Variants in NLGN4X observed in about 807,000 individuals in gnomAD.
NLGN4X encodes the protein neuroligin 4 X-linked, also known as neuroligin-4, X-linked.
A neutral mutation model predicts 40.3 loss-of-function variants in NLGN4X; 3 were observed. The ratio of observed to expected loss-of-function variants is 0.07; its 90% CI spans 0.03 to 0.19. The LOEUF (loss-of-function observed/expected upper bound fraction) is 0.19, where lower values mean the gene tolerates loss of function less well. Among genes scored for constraint, NLGN4X ranks in the 10% least tolerant of loss-of-function variants. NLGN4X has a pLI of 1.00. For missense variants in NLGN4X, 382 were observed against 708.3 expected, an observed-to-expected ratio of 0.54 and a Z score of 5.23; for synonymous variants, 270 against 306.8, an observed-to-expected ratio of 0.88 and a Z score of 1.25.
intron 2 of NLGN4X, among the ~76,000 whole-genome samples, chrX:6,134,541 C>A (rs780458644): frequency 8.9e-6 from 1 of 112,010 alleles, no homozygotes; most frequent in Non-Finnish European, 1.9e-5. Context: ...GTATGTTCTG[C>A]AAGGAAAGTG....
chrX:6,100,519 C>A (rs2038883245), intron 2 of NLGN4X, among the ~76,000 whole-genome samples: 2 of 112,378 alleles, frequency 1.8e-5, no homozygotes, highest in Middle Eastern at 4.6e-3. Flanking sequence ...TTGGAAAATA[C>A]AAGATAACAT....
chrX:6,112,945 A>G (rs866886990), intron 2 of NLGN4X, among the ~76,000 whole-genome samples: 1 of 110,858 alleles, frequency 9.0e-6, no homozygotes, highest in South Asian at 3.8e-4. Context: ...TGAAAGTGGC[A>G]CTTCACCTCT....
intron 3 of NLGN4X, among the ~76,000 whole-genome samples, chrX:5,996,842 C>T (rs1019159959): frequency 8.1e-5 from 9 of 110,843 alleles, no homozygotes; most frequent in African/African-American, 9.8e-5. Context: ...AGTGATCCGC[C>T]GGCCTCGGCC....
At chrX:6,011,895 G>A in intron 3 of NLGN4X, among the ~76,000 whole-genome samples, 1 of 111,260 alleles carries the variant, frequency 9.0e-6, no homozygotes, top group Non-Finnish European at 1.9e-5. Context: ...GTTCTAAAGA[G>A]AAGGCTATGA....
At chrX:6,145,115 T>C (rs1029108354) in intron 2 of NLGN4X, among the ~76,000 whole-genome samples, 6 of 111,636 alleles carry the variant, frequency 5.4e-5, no homozygotes, top group Non-Finnish European at 1.1e-4. Context: ...AGACACCTTA[T>C]GGTGAGAACT....
intron 2 of NLGN4X, among the ~76,000 whole-genome samples, chrX:6,060,961 A>G (rs1240966942): frequency 9.0e-6 from 1 of 111,562 alleles, no homozygotes; most frequent in Admixed American, 9.6e-5. Flanking sequence ...CACTTGCAAG[A>G]CTTTCCCTGT....
chrX:6,218,509 CCAG>C (rs1925302151), intron 1 of NLGN4X, among the ~76,000 whole-genome samples: 1 of 108,933 alleles, frequency 9.2e-6, no homozygotes, highest in South Asian at 3.9e-4. Context: ...CACACACACA[CCAG>C]AAGAAAAATT....
chrX:6,109,371 G>T (rs961193724), intron 2 of NLGN4X, among the ~76,000 whole-genome samples: 1 of 111,830 alleles, frequency 8.9e-6, no homozygotes, highest in Non-Finnish European at 1.9e-5. Flanking sequence ...TATAAATATG[G>T]TGCAAAACAT....
At chrX:6,053,160 C>T (rs1384807004) in intron 2 of NLGN4X, among the ~76,000 whole-genome samples, 1 of 111,866 alleles carries the variant, frequency 8.9e-6, no homozygotes, top group Admixed American at 9.5e-5. Context: ...GCGCTGTCTG[C>T]CAAGTCTGAC....
At chrX:6,042,730 T>TATATATATAC (rs1215396694) in intron 2 of NLGN4X, among the ~76,000 whole-genome samples, 217 of 20,096 alleles carry the variant, frequency 0.011, 7 homozygotes, top group Non-Finnish European at 0.015. Flanking sequence ...TATATATATA[T>TATATATATAC]ACACACACAC....
At chrX:6,034,032 A>G (rs1357762214) in intron 2 of NLGN4X, among the ~76,000 whole-genome samples, 1 of 112,504 alleles carries the variant, frequency 8.9e-6, no homozygotes, top group Non-Finnish European at 1.9e-5. Context: ...CATAACTCAG[A>G]AGAGCTTAAA....
intron 3 of NLGN4X, among the ~76,000 whole-genome samples, chrX:5,983,876 A>C (rs2035457380): frequency 8.9e-6 from 1 of 112,003 alleles, no homozygotes; most frequent in African/African-American, 3.2e-5. Context: ...AGCCCAAGAG[A>C]TCGAAGCTAC....
intron 3 of NLGN4X, among the ~76,000 whole-genome samples, chrX:5,959,166 T>C (rs1049093976): frequency 8.9e-6 from 1 of 111,918 alleles, no homozygotes; most frequent in African/African-American, 3.2e-5. Flanking sequence ...TCTTTGCCTC[T>C]CAAGTCTTTA....
chrX:6,092,590 CTGAGGTATTA>C (rs1344219771), intron 2 of NLGN4X, among the ~76,000 whole-genome samples: 1 of 112,088 alleles, frequency 8.9e-6, no homozygotes, highest in Non-Finnish European at 1.9e-5. Flanking sequence ...CCCATGAACA[CTGAGGTATTA>C]TAGGTGCTGC....
At chrX:5,972,383 T>C (rs758040595) in intron 3 of NLGN4X, among the ~76,000 whole-genome samples, 1 of 111,678 alleles carries the variant, frequency 9.0e-6, no homozygotes, top group African/African-American at 3.2e-5. Context: ...AGCTTCTGGT[T>C]ACTCCTTGCC....
chrX:6,064,497 T>C (rs765016496), intron 2 of NLGN4X, among the ~76,000 whole-genome samples: 1 of 111,553 alleles, frequency 9.0e-6, no homozygotes, highest in African/African-American at 3.3e-5. Context: ...TTTAAAACCA[T>C]GTAGAGAAGG....
chrX:6,068,367 G>A (rs1050216024), intron 2 of NLGN4X, among the ~76,000 whole-genome samples: 1 of 110,879 alleles, frequency 9.0e-6, no homozygotes, highest in African/African-American at 3.3e-5. Context: ...ATGCAGGCAG[G>A]GGGCAAGAGA....
chrX:6,091,592 TA>T (rs764111542), intron 2 of NLGN4X, among the ~76,000 whole-genome samples: 343 of 109,998 alleles, frequency 3.1e-3, no homozygotes, highest in Middle Eastern at 4.7e-3. Context: ...TTCATTCACA[TA>T]AAAAAAAAGC....
intron 4 of NLGN4X, among the ~76,000 whole-genome samples, chrX:5,908,018 A>T (rs2032289263): frequency 1.3e-5 from 1 of 78,295 alleles, no homozygotes. Flanking sequence ...AGGGAGAAAG[A>T]CAGGGAGAGT....
Sources: gnomAD v4.1 joint callset for allele counts (sites outside exome capture counted in the v4.1 genomes callset) on GRCh38, gnomAD v4.1.1 for gene constraint, MANE v1.5 for transcripts, NCBI Gene and HGNC (gene_info 2026-07-23, HGNC 2026-07-21) for gene names.